The following GRID2 variants were observed in gnomAD, a reference collection of about 807,000 sequenced individuals.
The protein encoded by GRID2 is glutamate ionotropic receptor delta type subunit 2.
GRID2 carries 33 observed loss-of-function variants against 114.8 expected under a neutral mutation model. The observed-to-expected ratio is 0.29, with a 90% CI of 0.22 to 0.38. The LOEUF (loss-of-function observed/expected upper bound fraction) is 0.38. Ranked by LOEUF, GRID2 falls within the 10% of genes least tolerant of loss-of-function variation. The pLI is 1.00. For missense variants in GRID2, 1,184 were observed against 1,257.7 expected (o/e 0.94, Z 0.89); for synonymous variants, 505 against 449.9 (o/e 1.12, Z -1.55).
At chr4:92,610,346 G>T (rs183456394) in intron 2 of GRID2, among the ~76,000 whole-genome samples, 1 of 151,672 alleles carries the variant, frequency 6.6e-6, no homozygotes, top group South Asian at 2.1e-4. Context: ...TAAGAGAAAG[G>T]CATCTCTGTC....
chr4:93,629,259 C>A (rs1327750220), intron 14 of GRID2, among the ~76,000 whole-genome samples: 1 of 152,068 alleles, frequency 6.6e-6, no homozygotes, highest in Non-Finnish European at 1.5e-5. Context: ...ATTATTTTTC[C>A]TTTGTTTGAT....
intron 8 of GRID2, among the ~76,000 whole-genome samples, chr4:93,268,640 T>A (rs1751110349): frequency 6.6e-6 from 1 of 152,150 alleles, no homozygotes; most frequent in Non-Finnish European, 1.5e-5. Flanking sequence ...ACCTCTTACA[T>A]GTTACATTTT....
intron 2 of GRID2, among the ~76,000 whole-genome samples, chr4:93,055,804 T>G (rs1315841712): frequency 1.3e-5 from 2 of 151,968 alleles, no homozygotes; most frequent in African/African-American, 2.4e-5. Flanking sequence ...ATATTTAATT[T>G]GCTTACAAAT....
chr4:92,676,115 AT>A (rs1560526201), intron 2 of GRID2, among the ~76,000 whole-genome samples: 2 of 126,568 alleles, frequency 1.6e-5, no homozygotes, highest in Admixed American at 1.8e-4. Context: ...TTGAATCAGT[AT>A]TTAAATCAGT....
chr4:93,716,724 C>T (rs572066080), intron 14 of GRID2, among the ~76,000 whole-genome samples: 1 of 151,810 alleles, frequency 6.6e-6, no homozygotes, highest in Non-Finnish European at 1.5e-5. Flanking sequence ...ATTAAGTTAG[C>T]TCTCCCTCCT....
At chr4:92,806,983 G>T (rs983499957) in intron 2 of GRID2, among the ~76,000 whole-genome samples, 1 of 151,908 alleles carries the variant, frequency 6.6e-6, no homozygotes, top group African/African-American at 2.4e-5. Flanking sequence ...GGATAGAATA[G>T]GGAATTTAAA....
chr4:93,210,735 T>A (rs953592970), intron 5 of GRID2, among the ~76,000 whole-genome samples: 10 of 152,018 alleles, frequency 6.6e-5, no homozygotes, highest in Admixed American at 2.0e-4. Context: ...AATAAATAAA[T>A]ATTTTTTGAT....
At chr4:92,344,698 T>C (rs1034689655) in intron 1 of GRID2, among the ~76,000 whole-genome samples, 28 of 152,264 alleles carry the variant, frequency 1.8e-4, no homozygotes, top group African/African-American at 6.5e-4. Flanking sequence ...CTAGAATACC[T>C]ACCTGTGGCT....
intron 14 of GRID2, among the ~76,000 whole-genome samples, chr4:93,730,608 T>C (rs539034799): frequency 1.4e-3 from 212 of 152,278 alleles, no homozygotes; most frequent in Non-Finnish European, 2.2e-3. Context: ...TTGGTCAAGA[T>C]GAGGTAGATC....
Position 92,421,883 on chromosome 4 carries a change from G to A in GRID2, c.88+117139G>A, listed in dbSNP as rs552181770. Among the ~76,000 whole-genome samples, 5 of 152,204 alleles carry A rather than the reference G, an allele frequency of 3.3e-5. No individual in the cohort carries two copies. The East Asian group carries it at 5.8e-4, about 18-fold the overall frequency. On this transcript the variant is annotated intron_variant, in intron 1 of 15. Transcript: ENST00000282020. ...GTTCAAATCTGCAAGGGATGCTTGG[G>A]ATTCAGTGGTGAAAAGACAGAAAAA...
chr4:93,456,307 A>AAAGAG (rs1723183000), intron 11 of GRID2, among the ~76,000 whole-genome samples: 1 of 152,226 alleles, frequency 6.6e-6, no homozygotes, highest in Non-Finnish European at 1.5e-5. Context: ...TATAAGGATG[A>AAAGAG]AATTACTTAT....
At chr4:93,483,274 A>G (rs901199047) in intron 11 of GRID2, among the ~76,000 whole-genome samples, 1 of 151,934 alleles carries the variant, frequency 6.6e-6, no homozygotes, top group Admixed American at 6.6e-5. Context: ...AAAATTTTCT[A>G]TTTACTATGA....
chr4:93,449,876 A>C (rs909868734), intron 10 of GRID2, among the ~76,000 whole-genome samples: 2 of 152,064 alleles, frequency 1.3e-5, no homozygotes, highest in Non-Finnish European at 2.9e-5. Context: ...AATGAGAAGT[A>C]TAGATTACAG....
At chr4:92,594,451 G>C (rs928900875) in intron 2 of GRID2, among the ~76,000 whole-genome samples, 24 of 151,978 alleles carry the variant, frequency 1.6e-4, no homozygotes, top group African/African-American at 5.5e-4. Flanking sequence ...ATGCTTCTAT[G>C]ACCCTTAAGA....
At chr4:92,657,624 A>G (rs1732309867) in intron 2 of GRID2, among the ~76,000 whole-genome samples, 1 of 151,660 alleles carries the variant, frequency 6.6e-6, no homozygotes, top group Non-Finnish European at 1.5e-5. Context: ...CTTTATCAGT[A>G]TCTGAAAGAG....
At chr4:92,519,232 A>C (rs1389333054) in intron 1 of GRID2, among the ~76,000 whole-genome samples, 2 of 151,870 alleles carry the variant, frequency 1.3e-5, no homozygotes, top group Non-Finnish European at 2.9e-5. Flanking sequence ...CAAACCTGAG[A>C]AGCATTTGCC....
chr4:92,573,006 T>C lies in GRID2; in HGVS notation c.89-17125T>C, dbSNP rs1296297606. Among the ~76,000 whole-genome samples the C allele has an allele frequency of 3.9e-5, 6 of 152,238 alleles. No individual in the cohort carries two copies. In the East Asian group the frequency reaches 1.2e-3, roughly 29 times the overall value. On this transcript the variant is annotated intron_variant, in intron 1 of 15. Coordinates refer to ENST00000282020, the MANE Select transcript of GRID2 (RefSeq NM_001510.4). ...TTACTGCCTCAGTTTCAGAACTCATTATTGCCCTGTTCAAGCATTCCGTTT... is the reference window on the plus strand; with the variant it reads ...TTACTGCCTCAGTTTCAGAACTCATCATTGCCCTGTTCAAGCATTCCGTTT...
chr4:93,157,230 T>C (rs1472445968), intron 4 of GRID2, among the ~76,000 whole-genome samples: 1 of 151,614 alleles, frequency 6.6e-6, no homozygotes, highest in East Asian at 1.9e-4. Context: ...ACATTATTTG[T>C]GAGACTCGAA....
chr4:93,548,236 C>T (rs1441261300), intron 13 of GRID2, among the ~76,000 whole-genome samples: 1 of 151,942 alleles, frequency 6.6e-6, no homozygotes, highest in Non-Finnish European at 1.5e-5. Context: ...GTAGCAATTT[C>T]AAGGCTTAAA....
Sources: gnomAD v4.1 joint callset for allele counts (sites outside exome capture counted in the v4.1 genomes callset) on GRCh38, gnomAD v4.1.1 for gene constraint, MANE v1.5 for transcripts, NCBI Gene and HGNC (gene_info 2026-07-23, HGNC 2026-07-21) for gene names.